PASD1: variants seen among roughly 807,000 people sequenced by gnomAD.
PASD1 encodes PAS domain containing repressor 1.
PASD1 carries 13 observed loss-of-function variants against 58.8 expected under a neutral mutation model. The ratio of observed to expected loss-of-function variants is 0.22; its 90% CI spans 0.14 to 0.35. PASD1 has a LOEUF of 0.35. Ranked by LOEUF, PASD1 falls within the 10% of genes least tolerant of loss-of-function variation. PASD1 has a pLI of 1.00. For missense variants in PASD1, 734 were observed against 568.3 expected, an observed-to-expected ratio of 1.29 and a Z score of -2.96; for synonymous variants, 236 against 216.7, an observed-to-expected ratio of 1.09 and a Z score of -0.78.
chrX:151,653,110 T>C (rs2014153719), intron 9 of PASD1, among the ~76,000 whole-genome samples: 1 of 110,027 alleles, frequency 9.1e-6, no homozygotes, highest in South Asian at 3.9e-4. Flanking sequence ...TGATAATGGC[T>C]TGAAGCAGGG....
intron 1 of PASD1, among the ~76,000 whole-genome samples, chrX:151,588,793 C>CT (rs2124238655): frequency 8.9e-6 from 1 of 111,897 alleles, no homozygotes; most frequent in Admixed American, 9.5e-5. Context: ...CATGATCATA[C>CT]TTTTTGCACC....
At chrX:151,625,860 T>G (rs1241372579) in intron 8 of PASD1, among the ~76,000 whole-genome samples, 1 of 111,089 alleles carries the variant, frequency 9.0e-6, no homozygotes, top group Non-Finnish European at 1.9e-5. Flanking sequence ...TGTGGGAGGA[T>G]CAGTTGAGCC....
intron 8 of PASD1, among the ~76,000 whole-genome samples, chrX:151,636,374 T>C (rs752502552): frequency 8.9e-6 from 1 of 112,328 alleles, no homozygotes; most frequent in African/African-American, 3.2e-5. Flanking sequence ...AAAAAGTCTT[T>C]CTGTGGATAT....
At chrX:151,649,491 T>A (rs887224610) in intron 9 of PASD1, among the ~76,000 whole-genome samples, 5 of 111,891 alleles carry the variant, frequency 4.5e-5, no homozygotes, top group African/African-American at 1.6e-4. Context: ...ATGGAAGTAG[T>A]AATAATAATC....
At chrX:151,672,131 G>A in intron 13 of PASD1, 52 bp from the exon 14 acceptor site, 1 of 1,118,107 alleles carries the variant, frequency 8.9e-7, no homozygotes, top group South Asian at 2.2e-5. Flanking sequence ...ATAAGTTTCT[G>A]GGAGGCTCTT....
chrX:151,584,412 G>A (rs1254022023), intron 1 of PASD1, among the ~76,000 whole-genome samples: 5 of 111,878 alleles, frequency 4.5e-5, no homozygotes, highest in Admixed American at 1.9e-4. Context: ...TATTCACTAG[G>A]TTTTATTGTC....
rs1449615673 is a variant in PASD1 at position 151,672,601 on chromosome X, A to G, written c.1856A>G (p.Gln619Arg). The part of the protein sequence containing the change: ...PIVPVQRAAE[Q>R]QPSGFYQDEN... ...GTTCCTGTCCAGAGAGCAGCTGAAC[A>G]ACAGCCCTCTGGCTTCTATCAAGAT... The change falls in exon 14 of 16, where the codon CAA becomes CGA. Residue 619 changes from glutamine to arginine, a missense_variant. Gln to Arg is a conservative substitution (Grantham distance 43). Transcript: ENST00000370357. The G allele has an allele frequency of 8.2e-7, 1 of 1,212,310 alleles. No homozygotes were observed. Among genetic ancestry groups the G allele is most frequent in the South Asian group, 1.8e-5 (1 of 56,981 alleles).
chrX:151,635,115 A>G (rs1489160782), intron 8 of PASD1, among the ~76,000 whole-genome samples: 1 of 111,181 alleles, frequency 9.0e-6, no homozygotes, highest in Non-Finnish European at 1.9e-5. Flanking sequence ...GGCCAGTGGG[A>G]GCCTCTTCCA....
At chrX:151,648,427 A>AT (rs1164239128) in intron 8 of PASD1, among the ~76,000 whole-genome samples, 188 bp from the exon 9 acceptor site, 36 of 106,088 alleles carry the variant, frequency 3.4e-4, no homozygotes, top group East Asian at 8.8e-4. Context: ...GGTCCAGATG[A>AT]TTTTTTTTTT....
chrX:151,675,680 T>C (rs2014534558), intron 15 of PASD1, among the ~76,000 whole-genome samples: 1 of 112,010 alleles, frequency 8.9e-6, no homozygotes, highest in Admixed American at 9.4e-5. Flanking sequence ...CCAAGGCTAG[T>C]GGCCTTGGCC....
At chrX:151,641,847 C>T (rs981831886) in intron 8 of PASD1, among the ~76,000 whole-genome samples, 29 of 110,723 alleles carry the variant, frequency 2.6e-4, no homozygotes, top group Middle Eastern at 9.6e-3. Context: ...CACACGCGCG[C>T]GCGCGTATAC....
At chrX:151,663,535 G>A in intron 10 of PASD1, among the ~76,000 whole-genome samples, 1 of 112,492 alleles carries the variant, frequency 8.9e-6, no homozygotes, top group East Asian at 2.8e-4. Flanking sequence ...TTTTTGTGTT[G>A]TATGAATATA....
chrX:151,644,715 G>A (rs1339278176), intron 8 of PASD1, among the ~76,000 whole-genome samples: 1 of 107,372 alleles, frequency 9.3e-6, no homozygotes, highest in East Asian at 2.9e-4. Flanking sequence ...AGATTACAAC[G>A]TAATTTTTCT....
intron 1 of PASD1, among the ~76,000 whole-genome samples, chrX:151,595,533 A>G (rs1481852378): frequency 6.4e-5 from 7 of 108,742 alleles, no homozygotes; most frequent in African/African-American, 2.4e-4. Context: ...CCTGGCTAAC[A>G]TGGTGAAACC....
In PASD1 at chrX:151,624,125, G is replaced by T. The variant is rs143862214; in HGVS notation, c.546+1061G>T. Among the ~76,000 whole-genome samples the T allele has an allele frequency of 6.7e-3, 749 of 112,028 alleles. 4 individuals are homozygous for T. Among genetic ancestry groups the T allele is most frequent in the Non-Finnish European group, 0.011 (578 of 53,198 alleles). ...CAGAAGCAAGAATACCTAAGTGAAAGATGATAGGGGCTTGGACTATGATTG... is the reference window on the plus strand; with the variant it reads ...CAGAAGCAAGAATACCTAAGTGAAATATGATAGGGGCTTGGACTATGATTG... On this transcript the variant is annotated intron_variant, in intron 7 of 15. Transcript: ENST00000370357.
chrX:151,613,202 G>A (rs1383993505), intron 4 of PASD1, among the ~76,000 whole-genome samples: 1 of 111,554 alleles, frequency 9.0e-6, no homozygotes, highest in Non-Finnish European at 1.9e-5. Context: ...CCAGTACCAT[G>A]CTGTTTTGGT....
chrX:151,663,445 T>A (rs780344945), intron 10 of PASD1, among the ~76,000 whole-genome samples: 10 of 112,311 alleles, frequency 8.9e-5, no homozygotes, highest in Non-Finnish European at 1.3e-4. Context: ...AAAACTTCAT[T>A]CACCTGTAAA....
chrX:151,596,826 A>C (rs1160925799), intron 1 of PASD1, among the ~76,000 whole-genome samples: 2 of 111,836 alleles, frequency 1.8e-5, no homozygotes, highest in East Asian at 5.6e-4. Flanking sequence ...TCTGGTTGAC[A>C]TATTTTATCA....
intron 8 of PASD1, among the ~76,000 whole-genome samples, chrX:151,626,303 A>C: frequency 8.9e-6 from 1 of 111,928 alleles, no homozygotes; most frequent in Non-Finnish European, 1.9e-5. Flanking sequence ...AAATTTGTTT[A>C]CTAACACATT....
Sources: gnomAD v4.1 joint callset for allele counts (sites outside exome capture counted in the v4.1 genomes callset) on GRCh38, gnomAD v4.1.1 for gene constraint, MANE v1.5 for transcripts, NCBI Gene and HGNC (gene_info 2026-07-23, HGNC 2026-07-21) for gene names.